The following INO80 variants were observed in gnomAD, a reference collection of about 807,000 sequenced individuals.
INO80 encodes the protein chromatin-remodeling ATPase INO80.
INO80 carries 20 observed loss-of-function variants against 203.4 expected under a neutral mutation model. That is an observed-to-expected ratio of 0.10 (90% confidence interval 0.07 to 0.14). The LOEUF (loss-of-function observed/expected upper bound fraction) is 0.14, where lower values mean the gene tolerates loss of function less well. Among genes scored for constraint, INO80 ranks in the 10% least tolerant of loss-of-function variants. INO80 has a pLI of 1.00. For synonymous variants in INO80, 726 were observed against 685.2 expected (o/e 1.06, Z -0.93); for missense variants, 1,419 against 1,914.4 (o/e 0.74, Z 4.83).
At chr15:40,982,166 TGA>T (rs750119999) in intron 35 of INO80, among the ~76,000 whole-genome samples, 10 of 152,320 alleles carry the variant, frequency 6.6e-5, no homozygotes, top group East Asian at 3.9e-4. Flanking sequence ...TTTTAGTTTT[TGA>T]GAGAGTCTTG....
In INO80 at chr15:41,021,120, G is replaced by A. The variant is rs1436994664; in HGVS notation, c.3054C>T (p.Thr1018=). The A allele has an allele frequency of 1.2e-6, 2 of 1,609,170 alleles. No homozygotes were observed. Among genetic ancestry groups the A allele is most frequent in the South Asian group, 1.1e-5 (1 of 90,964 alleles). Residue 1018 remains threonine (T), a synonymous_variant, in exon 26 of 36, where the codon ACC becomes ACT. Coordinates refer to ENST00000648947, the MANE Select transcript of INO80 (RefSeq NM_017553.3). The stretch of plus-strand genomic sequence containing the variant: ...TGCAGTAAGAATCCAATGGCACTGC[G>A]GTAACCTGCAGTTAAAGATTCACAT... ...SFLCVASPRV[T]AVPLDSYCND...
chr15:41,049,315 T>C lies in INO80; in HGVS notation c.2548A>G (p.Ile850Val). Residue 850 changes from isoleucine to valine, a missense_variant, in exon 21 of 36, where the codon ATC becomes GTC. Physicochemically the swap from Ile to Val is conservative, Grantham distance 29 (BLOSUM62 3). Transcript: ENST00000648947. ...TCTCGTGAATGATTGAAGACCCTGA[T>C]CTGTCCATGACGGTAGATAAACTTT... ...ISKFIYRHGQ[I>V]RVFNHSRDRW... The C allele has an allele frequency of 6.2e-7, 1 of 1,613,308 alleles. No homozygotes were observed. The highest frequency in any genetic ancestry group is 2.2e-5 in the East Asian group (1 of 44,840).
chr15:41,081,165 G>A, intron 7 of INO80, 92 bp from the exon 8 acceptor site: 1 of 795,696 alleles, frequency 1.3e-6, no homozygotes, highest in African/African-American at 1.7e-5. Flanking sequence ...TTCCTAGAGG[G>A]TTAGAAAATG....
chr15:41,053,895 T>C, intron 19 of INO80, 34 bp downstream of exon 19: 4 of 1,531,052 alleles, frequency 2.6e-6, no homozygotes, highest in African/African-American at 1.4e-5. Context: ...TGGTGCCTAT[T>C]GAGGCTTAAA....
Position 41,111,734 on chromosome 15 carries a change from C to T in INO80, c.-44+4239G>A, listed in dbSNP as rs557169519. On this transcript the variant is annotated intron_variant, in intron 1 of 35. Transcript: ENST00000648947. ...AGGAGAATCACTTGAACTCGGGAGG[C>T]GGAGGTTGCAGTGAGCTGAGATCAC... is the stretch of plus-strand genomic sequence containing the variant. 1.9e-4 allele frequency among the ~76,000 whole-genome samples: 28 copies of T among 151,016 alleles called. No homozygotes were observed. In the South Asian group the frequency reaches 5.7e-3, roughly 31 times the overall value.
intron 27 of INO80, among the ~76,000 whole-genome samples, chr15:41,009,877 GGT>G (rs1262831755): frequency 1.3e-5 from 2 of 152,110 alleles, no homozygotes; most frequent in Non-Finnish European, 2.9e-5. Context: ...TAGGATTACA[GGT>G]GTAAGCCACT....
chr15:41,009,168 TA>T (rs1395468465), intron 27 of INO80, among the ~76,000 whole-genome samples: 17 of 152,294 alleles, frequency 1.1e-4, no homozygotes, highest in African/African-American at 4.1e-4. Flanking sequence ...TCGAAAGCAT[TA>T]ATTTTGAGAA....
intron 14 of INO80, among the ~76,000 whole-genome samples, chr15:41,065,455 C>CA (rs1041421783): frequency 9.2e-5 from 14 of 151,362 alleles, no homozygotes; most frequent in African/African-American, 2.4e-4. Flanking sequence ...AAACAAAAAA[C>CA]AAAAAAAACA....
intron 17 of INO80, among the ~76,000 whole-genome samples, chr15:41,055,785 C>A (rs2044971637): frequency 1.3e-5 from 2 of 152,110 alleles, no homozygotes; most frequent in South Asian, 4.1e-4. Flanking sequence ...TATTTTAAAT[C>A]AAGTTTTATT....
intron 25 of INO80, among the ~76,000 whole-genome samples, chr15:41,023,768 C>CAAAAAAAAAAAA: frequency 1.6e-5 from 1 of 63,538 alleles, no homozygotes; most frequent in African/African-American, 8.1e-5. Flanking sequence ...GACTCTGTCT[C>CAAAAAAAAAAAA]AAAAAAAAAA....
chr15:41,056,819 A>C (rs2044994686), intron 16 of INO80, 113 bp from the exon 17 acceptor site: 1 of 778,138 alleles, frequency 1.3e-6, no homozygotes, highest in Non-Finnish European at 2.2e-6. Flanking sequence ...ATTCAGAATC[A>C]AGTACTCCAT....
intron 14 of INO80, among the ~76,000 whole-genome samples, chr15:41,065,319 T>C (rs1268043963): frequency 6.6e-6 from 1 of 151,440 alleles, no homozygotes. Flanking sequence ...ACCCCTGTAG[T>C]CCCAGCTACT....
chr15:41,045,229 C>T (rs2044735035), intron 23 of INO80, among the ~76,000 whole-genome samples, 154 bp from the exon 24 acceptor site: 1 of 152,184 alleles, frequency 6.6e-6, no homozygotes, highest in African/African-American at 2.4e-5. Context: ...CTTTCAGATA[C>T]ATTATTTCGC....
chr15:41,037,018 G>A (rs1393468014), intron 24 of INO80, among the ~76,000 whole-genome samples: 1 of 151,862 alleles, frequency 6.6e-6, no homozygotes. Flanking sequence ...CAAGAGAATC[G>A]CTCAAACCCG....
At chr15:41,099,599 G>GGCGA (rs1202990498) in intron 1 of INO80, among the ~76,000 whole-genome samples, 1 of 151,924 alleles carries the variant, frequency 6.6e-6, no homozygotes, top group Non-Finnish European at 1.5e-5. Context: ...TGAGTAACAT[G>GGCGA]GCGAGACCTT....
intron 27 of INO80, among the ~76,000 whole-genome samples, chr15:41,015,835 T>C (rs751835040): frequency 9.2e-5 from 13 of 141,124 alleles, no homozygotes; most frequent in Non-Finnish European, 1.8e-4. Context: ...TAATCCCAGC[T>C]ACTCGGGAGA....
intron 1 of INO80, among the ~76,000 whole-genome samples, chr15:41,114,787 A>C (rs1364751044): frequency 6.6e-6 from 1 of 152,182 alleles, no homozygotes; most frequent in African/African-American, 2.4e-5. Flanking sequence ...TGTTAAGTGA[A>C]ACAAACTAGG....
At chr15:41,087,286 G>A (rs928883013) in intron 6 of INO80, among the ~76,000 whole-genome samples, 1 of 152,194 alleles carries the variant, frequency 6.6e-6, no homozygotes, top group African/African-American at 2.4e-5. Flanking sequence ...TAAAGTATAC[G>A]AGAGGATGTG....
intron 26 of INO80, chr15:41,018,813 C>A (rs935723955): frequency 6.6e-6 from 1 of 152,194 alleles, no homozygotes; most frequent in Non-Finnish European, 1.5e-5. Context: ...TACAGAGACA[C>A]AAGGAACACA....
Sources: allele counts gnomAD v4.1 joint callset (sites outside exome capture counted in the v4.1 genomes callset), GRCh38; gene constraint gnomAD v4.1.1; transcripts MANE v1.5; gene names NCBI Gene and HGNC (gene_info 2026-07-23, HGNC 2026-07-21).